Variants in TUFT1 observed in about 807,000 individuals in gnomAD.
TUFT1 encodes tuftelin.
Under a neutral mutation model 57.8 loss-of-function variants are expected in TUFT1, and 43 were observed. The observed-to-expected ratio is 0.74, with a 90% CI of 0.58 to 0.96. The LOEUF (loss-of-function observed/expected upper bound fraction) is 0.96, where lower values mean the gene tolerates loss of function less well. Ranked by LOEUF, TUFT1 falls within the 40% of genes least tolerant of loss-of-function variation. The pLI is 0.00. For synonymous variants in TUFT1, 166 were observed against 176.7 expected (o/e 0.94, Z 0.48); for missense variants, 459 against 489.0 (o/e 0.94, Z 0.58).
chr1:151,557,810 CAG>C, intron 1 of TUFT1: 1 of 756,410 alleles, frequency 1.3e-6, no homozygotes. Context: ...GGAAAGCGGA[CAG>C]AGATAACCTA....
intron 1 of TUFT1, chr1:151,545,806 C>G (rs1344063664): frequency 2.6e-5 from 14 of 532,150 alleles, no homozygotes; most frequent in Admixed American, 2.5e-4. Flanking sequence ...ACCTGAGTAA[C>G]CTTTGCTAGT....
At chr1:151,554,261 G>C (rs950380257) in intron 1 of TUFT1, among the ~76,000 whole-genome samples, 7 of 152,062 alleles carry the variant, frequency 4.6e-5, no homozygotes, top group Non-Finnish European at 1.0e-4. Context: ...TCTTTTTTCT[G>C]ATCCAGGATT....
At chr1:151,550,906 AACACAGTG>A (rs1398051753) in intron 1 of TUFT1, among the ~76,000 whole-genome samples, 22 of 152,178 alleles carry the variant, frequency 1.4e-4, no homozygotes, top group Admixed American at 1.4e-3. Flanking sequence ...CCGCCTGGGT[AACACAGTG>A]AGACCCTGTC....
chr1:151,567,003 C>T (rs754436287), intron 6 of TUFT1, among the ~76,000 whole-genome samples: 3 of 152,022 alleles, frequency 2.0e-5, no homozygotes, highest in Non-Finnish European at 4.4e-5. Flanking sequence ...ACTGCAGCCT[C>T]GACCCCCGGG....
chr1:151,572,461 GTTTA>G (rs1289014118), intron 7 of TUFT1, among the ~76,000 whole-genome samples: 1 of 151,874 alleles, frequency 6.6e-6, no homozygotes, highest in Admixed American at 6.6e-5. Flanking sequence ...TAGGTGCAGT[GTTTA>G]TTTATGTACA....
At position 151,583,069 on chromosome 1, in the gene TUFT1, G is replaced by A. The variant is rs1458020020; in HGVS notation, c.*1362G>A. ...TTCTGCCTCAGCCTCCCGAGTAGCTGGGACTACAGGTGTGCCACCACGCCT... is the reference window on the plus strand; with the variant it reads ...TTCTGCCTCAGCCTCCCGAGTAGCTAGGACTACAGGTGTGCCACCACGCCT... On this transcript the variant is annotated 3_prime_UTR_variant, in exon 13 of 13. Transcript: ENST00000368849. 1 of 151,982 alleles carries A rather than the reference G, an allele frequency of 6.6e-6. No individual in the cohort carries two copies. Among genetic ancestry groups the A allele is most frequent in the African/African-American group, 2.4e-5 (1 of 41,332 alleles). The allele number at this position is 151,982 out of a possible 1,614,324, so 9.4% of individuals were successfully genotyped here.
At chr1:151,545,819 T>C (rs1665318605) in intron 1 of TUFT1, 1 of 533,338 alleles carries the variant, frequency 1.9e-6, no homozygotes. Flanking sequence ...TTGCTAGTCC[T>C]GACTCAGCCA....
chr1:151,579,788 A>G (rs1049389838), intron 11 of TUFT1, 56 bp downstream of exon 11: 4 of 1,547,560 alleles, frequency 2.6e-6, no homozygotes, highest in Non-Finnish European at 1.8e-6. Context: ...GAAGGTGGAC[A>G]TAAGGGAGAC....
In TUFT1 at chr1:151,540,346, G is replaced by C. The variant is rs1386364009; in HGVS notation, c.-21G>C. 1.2e-6 allele frequency: 2 copies of C among 1,613,942 alleles called. No homozygotes were observed. Among genetic ancestry groups the C allele is most frequent in the Non-Finnish European group, 1.7e-6 (2 of 1,179,950 alleles). On this transcript the variant is annotated 5_prime_UTR_variant, in exon 1 of 13. Coordinates refer to ENST00000368849, the MANE Select transcript of TUFT1 (RefSeq NM_020127.3). ...ACAGCGGGGTGGACAAGTGGCGTGTGTGCTGCGACCCCGAGGGAAGATGAA... is the reference window on the plus strand; with the variant it reads ...ACAGCGGGGTGGACAAGTGGCGTGTCTGCTGCGACCCCGAGGGAAGATGAA...
intron 11 of TUFT1, 82 bp downstream of exon 11, chr1:151,579,814 G>A (rs1666587441): frequency 7.3e-7 from 1 of 1,361,314 alleles, no homozygotes; most frequent in Non-Finnish European, 1.0e-6. Context: ...TTATGGGAGG[G>A]GTCTTTGTCA....
chr1:151,553,379 C>T lies in TUFT1; in HGVS notation c.61-8712C>T, dbSNP rs1270756594. 2.6e-5 allele frequency among the ~76,000 whole-genome samples: 4 copies of T among 152,156 alleles called. No homozygotes were observed. In the East Asian group the frequency reaches 5.8e-4, roughly 22 times the overall value. ...GAGATTACAGGCATGAGCCACTGCA[C>T]CCGGCCAGATAATTTCTTTATAGCT... is the stretch of plus-strand genomic sequence containing the variant. On this transcript the variant is annotated intron_variant, in intron 1 of 12. Transcript: ENST00000368849.
At chr1:151,578,180 C>T (rs1031336190) in intron 9 of TUFT1, among the ~76,000 whole-genome samples, 5 of 152,128 alleles carry the variant, frequency 3.3e-5, no homozygotes, top group Non-Finnish European at 7.4e-5. Flanking sequence ...AAACAGCTTC[C>T]CTGGAACCAT....
Position 151,581,686 on chromosome 1 carries a change from C to T in TUFT1, c.1152C>T (p.Val384=), listed in dbSNP as rs969096331. ...SKPPSPKPMP[V]IRVVET ...CGCCTAGCCCGAAGCCCATGCCTGTCATCCGAGTGGTGGAAACCTGAGCTG... is the reference window on the plus strand; with the variant it reads ...CGCCTAGCCCGAAGCCCATGCCTGTTATCCGAGTGGTGGAAACCTGAGCTG... The change falls in exon 13 of 13, where the codon GTC becomes GTT. Residue 384 remains valine (V), a synonymous_variant. Transcript: ENST00000368849. 4 of 1,614,076 alleles carry T rather than the reference C, an allele frequency of 2.5e-6. No homozygotes were observed. The highest frequency in any genetic ancestry group is 1.7e-5 in the Admixed American group (1 of 60,000).
At chr1:151,546,008 T>TTC (rs71580387) in intron 1 of TUFT1, 97,005 of 284,864 alleles carry the variant, frequency 0.34, 18,668 homozygotes, top group Middle Eastern at 0.43. Context: ...TTTTTCTTTT[T>TTC]TTTTTTTTTC....
In TUFT1 at chr1:151,562,559, T is replaced by G. The variant is rs561882574; in HGVS notation, c.136-26T>G. ...TGTCTGAGCCATCTCTCTCTCTCTC[T>G]CTCTCTCTCATCTCTCTTTGGCCAG... is the stretch of plus-strand genomic sequence containing the variant. On this transcript the variant is annotated intron_variant, in intron 2 of 12. Transcript: ENST00000368849. The G allele has an allele frequency of 3.1e-5, 49 of 1,599,892 alleles. No individual in the cohort carries two copies. The South Asian group carries it at 5.1e-4, about 17-fold the overall frequency.
chr1:151,553,361 C>T (rs1290284234), intron 1 of TUFT1, among the ~76,000 whole-genome samples: 3 of 152,150 alleles, frequency 2.0e-5, no homozygotes, highest in Non-Finnish European at 4.4e-5. Flanking sequence ...GCTGAGATTA[C>T]AGGCATGAGC....
At chr1:151,555,776 CAA>C (rs776491723) in intron 1 of TUFT1, among the ~76,000 whole-genome samples, 13 of 70,374 alleles carry the variant, frequency 1.8e-4, no homozygotes, top group Admixed American at 4.6e-4. Context: ...GACTCCGTCT[CAA>C]AAAAAAAAAA....
Position 151,567,531 on chromosome 1 carries a change from G to A in TUFT1, c.480+1303G>A, listed in dbSNP as rs116846065. Among the ~76,000 whole-genome samples the A allele has an allele frequency of 2.6e-3, 391 of 152,130 alleles. 18 individuals are homozygous for A. The East Asian group carries it at 0.067, about 26-fold the overall frequency. On this transcript the variant is annotated intron_variant, in intron 6 of 12. Transcript: ENST00000368849. Reference sequence around the variant, plus strand: ...TTATAGTCATGAGCTACTATGCTTGGCCTCCATGACTGTACTTTATTTGTT... The same window carrying A: ...TTATAGTCATGAGCTACTATGCTTGACCTCCATGACTGTACTTTATTTGTT...
At chr1:151,563,041 T>C (rs1409874729) in intron 3 of TUFT1, among the ~76,000 whole-genome samples, 4 of 152,082 alleles carry the variant, frequency 2.6e-5, no homozygotes, top group African/African-American at 4.8e-5. Flanking sequence ...ATGGAACTTA[T>C]TTATTTATTT....
Sources: allele counts gnomAD v4.1 joint callset (sites outside exome capture counted in the v4.1 genomes callset), GRCh38; gene constraint gnomAD v4.1.1; transcripts MANE v1.5; gene names NCBI Gene and HGNC (gene_info 2026-07-23, HGNC 2026-07-21).